The following PTP4A3 variants were observed in gnomAD, a reference collection of about 807,000 sequenced individuals.
PTP4A3 encodes the protein protein tyrosine phosphatase 4A3, also known as protein tyrosine phosphatase type IVA 3.
A neutral mutation model predicts 15.2 loss-of-function variants in PTP4A3; 9 were observed. The observed-to-expected ratio is 0.59, with a 90% confidence interval of 0.36 to 1.03. The LOEUF (loss-of-function observed/expected upper bound fraction) is 1.03. Among genes scored for constraint, PTP4A3 ranks in the 50% least tolerant of loss-of-function variants. The pLI, the probability that PTP4A3 is intolerant of heterozygous loss-of-function variation, is 0.02. For missense variants in PTP4A3, 234 were observed against 252.1 expected (o/e 0.93, Z 0.49); for synonymous variants, 95 against 102.0 (o/e 0.93, Z 0.41).
chr8:141,424,091 A>G (rs1833454257), intron 2 of PTP4A3, among the ~76,000 whole-genome samples: 1 of 151,798 alleles, frequency 6.6e-6, no homozygotes, highest in Admixed American at 6.6e-5. Context: ...GAGGGTGCAG[A>G]GGGCCTCTGA....
At chr8:141,398,903 C>T (rs558700443) in intron 1 of PTP4A3, among the ~76,000 whole-genome samples, 4 of 152,210 alleles carry the variant, frequency 2.6e-5, no homozygotes, top group South Asian at 2.1e-4. Context: ...TCACCCGCCA[C>T]GGAGACCTCG....
At chr8:141,410,343 C>T (rs561995183) in intron 1 of PTP4A3, among the ~76,000 whole-genome samples, 1 of 152,378 alleles carries the variant, frequency 6.6e-6, no homozygotes, top group East Asian at 1.9e-4. Flanking sequence ...AAAAACATTC[C>T]AGAAATGCCC....
In PTP4A3 at chr8:141,432,140, G is replaced by A. The variant is rs951748818; in HGVS notation, c.*1096G>A. 6.6e-6 allele frequency: 1 copy of A among 152,358 alleles called. No individual in the cohort carries two copies. Among genetic ancestry groups the A allele is most frequent in the African/African-American group, 2.4e-5 (1 of 41,420 alleles). 9.4% of individuals were successfully genotyped at this position (152,358 alleles called of 1,614,324 possible). A position where few individuals can be genotyped will look rare whatever the true frequency, so the allele number is the denominator to read the frequency against. ...AGGGCATGGCCCCAGCGGGGAGGAA[G>A]GTGGGCCTAGGGCTGGCTCCAGGGT... On this transcript the variant is annotated 3_prime_UTR_variant, in exon 6 of 6. Coordinates refer to ENST00000521578, the MANE Select transcript of PTP4A3 (RefSeq NM_032611.3).
At chr8:141,422,444 C>T (rs1833379580) in intron 2 of PTP4A3, 99 bp downstream of exon 2, 2 of 1,328,832 alleles carry the variant, frequency 1.5e-6, no homozygotes, top group African/African-American at 2.9e-5. Flanking sequence ...CCAGCCCCGG[C>T]TGGCCAGACA....
chr8:141,411,756 C>T (rs983395277), intron 1 of PTP4A3, among the ~76,000 whole-genome samples: 1 of 152,192 alleles, frequency 6.6e-6, no homozygotes, highest in African/African-American at 2.4e-5. Context: ...TGTCCCCGAC[C>T]CCACGGGCCC....
intron 3 of PTP4A3, 62 bp from the exon 4 acceptor site, chr8:141,426,877 C>G (rs1045565508): frequency 7.0e-6 from 11 of 1,568,880 alleles, no homozygotes; most frequent in Non-Finnish European, 9.5e-6. Context: ...CTCGCCTGAG[C>G]CCCAGAGCCG....
intron 1 of PTP4A3, among the ~76,000 whole-genome samples, chr8:141,419,176 A>C (rs1259892458): frequency 6.6e-6 from 1 of 152,148 alleles, no homozygotes; most frequent in Non-Finnish European, 1.5e-5. Context: ...CCTCCCTCCC[A>C]GTAGCCTGCA....
rs1833883490 is a variant in PTP4A3 at position 141,431,669 on chromosome 8, TGCACCCCGACCCAGGG to T, written c.*628_*643del. 1 of 152,520 alleles carries T rather than the reference TGCACCCCGACCCAGGG, an allele frequency of 6.6e-6. No homozygotes were observed. The highest frequency in any genetic ancestry group is 6.5e-5 in the Admixed American group (1 of 15,300). 9.4% of individuals were successfully genotyped at this position (152,520 alleles called of 1,614,324 possible). Reference sequence around the variant, plus strand: ...CCCTCTGGTGGCCGCTCTGGGTCCTTGCACCCCGACCCAGGGGCCAGCCTGCCCTGTCCTGTCCTGA... The same window carrying T: ...CCCTCTGGTGGCCGCTCTGGGTCCTTGCCAGCCTGCCCTGTCCTGTCCTGA... On this transcript the variant is annotated 3_prime_UTR_variant, in exon 6 of 6. Coordinates refer to ENST00000521578, the MANE Select transcript of PTP4A3 (RefSeq NM_032611.3).
chr8:141,414,918 A>C (rs965346384), intron 1 of PTP4A3, among the ~76,000 whole-genome samples: 33 of 150,684 alleles, frequency 2.2e-4, no homozygotes, highest in Admixed American at 2.2e-3. Flanking sequence ...CGGGCCCTGG[A>C]CTGCAGGAAC....
rs569669352 is a variant in PTP4A3, at chr8:141,392,097, C to A, written c.-854+13C>A. The stretch of plus-strand genomic sequence containing the variant: ...CCCGGACCGCCAGGTCAGTCTCCTC[C>A]GCGCCCGCTCGGGGCGGGGGCGCGC... On this transcript the variant is annotated intron_variant, in intron 1 of 5. Transcript: ENST00000521578. 6.8e-6 allele frequency: 1 copy of A among 146,760 alleles called. No homozygotes were observed. The highest frequency in any genetic ancestry group is 6.8e-5 in the Admixed American group (1 of 14,800). The allele number at this position is 146,760 out of a possible 1,614,324, so 9.1% of individuals were successfully genotyped here.
At chr8:141,407,485 A>G (rs1437854277) in intron 1 of PTP4A3, among the ~76,000 whole-genome samples, 2 of 152,178 alleles carry the variant, frequency 1.3e-5, no homozygotes, top group African/African-American at 4.8e-5. Flanking sequence ...TGGCAGGCCC[A>G]CAGAGTAGAA....
rs1381549623 is a variant in PTP4A3 at position 141,425,281 on chromosome 8, T to C, written c.198+141T>C. On this transcript the variant is annotated intron_variant, in intron 3 of 5. Coordinates refer to ENST00000521578, the MANE Select transcript of PTP4A3 (RefSeq NM_032611.3). The surrounding 1 kb of genome is among the most constrained non-coding windows in gnomAD (Gnocchi z 4.2). ...TCTGTGCCTGGGCCACGTGTGTGTC[T>C]GGGTACATCAAGGGAAGGCCAGGGT... 2.4e-6 allele frequency: 2 copies of C among 839,676 alleles called. No homozygotes were observed. Among genetic ancestry groups the C allele is most frequent in the South Asian group, 1.6e-5 (1 of 61,262 alleles). 52.0% of individuals were successfully genotyped at this position (839,676 alleles called of 1,614,324 possible).
chr8:141,425,195 G>GC lies in PTP4A3; in HGVS notation c.198+56dup. 1 of 1,353,052 alleles carries GC rather than the reference G, an allele frequency of 7.4e-7. No individual in the cohort carries two copies. Among genetic ancestry groups the GC allele is most frequent in the Non-Finnish European group, 1.0e-6 (1 of 955,594 alleles). The allele number at this position is 1,353,052 out of a possible 1,614,324, so 83.8% of individuals were successfully genotyped here. A position where few individuals can be genotyped will look rare whatever the true frequency, so the allele number is the denominator to read the frequency against. ...ACTGCTGCCACCGGGGGAGGGTGGGGCGGGGGGCTCCGGGCCTGCGCAGAG... is the reference window on the plus strand; with the variant it reads ...ACTGCTGCCACCGGGGGAGGGTGGGGCCGGGGGGCTCCGGGCCTGCGCAGAG... On this transcript the variant is annotated intron_variant, in intron 3 of 5. Coordinates refer to ENST00000521578, the MANE Select transcript of PTP4A3 (RefSeq NM_032611.3). The surrounding 1 kb of genome is among the most constrained non-coding windows in gnomAD (Gnocchi z 4.2).
At chr8:141,424,548 G>T (rs1833479125) in intron 2 of PTP4A3, among the ~76,000 whole-genome samples, 1 of 152,178 alleles carries the variant, frequency 6.6e-6, no homozygotes, top group Non-Finnish European at 1.5e-5. Flanking sequence ...GTGGGCTGGG[G>T]AGTCCAGTTC....
intron 4 of PTP4A3, 21 bp from the exon 5 acceptor site, chr8:141,427,729 C>A (rs747278227): frequency 1.3e-6 from 2 of 1,546,660 alleles, no homozygotes; most frequent in South Asian, 1.2e-5. Flanking sequence ...CGATGACCCC[C>A]GCCCTGCTGT....
At chr8:141,424,207 G>A (rs1283831009) in intron 2 of PTP4A3, among the ~76,000 whole-genome samples, 1 of 152,184 alleles carries the variant, frequency 6.6e-6, no homozygotes, top group Non-Finnish European at 1.5e-5. Flanking sequence ...TGACCAGCAA[G>A]ACCCATCAGC....
chr8:141,415,391 G>T (rs1389892381), intron 1 of PTP4A3, among the ~76,000 whole-genome samples: 1 of 151,646 alleles, frequency 6.6e-6, no homozygotes, highest in Non-Finnish European at 1.5e-5. Flanking sequence ...CTGTTACAGG[G>T]CCCTAGGGAC....
intron 1 of PTP4A3, among the ~76,000 whole-genome samples, chr8:141,417,998 G>T (rs1444984388): frequency 6.6e-6 from 1 of 151,994 alleles, no homozygotes; most frequent in Non-Finnish European, 1.5e-5. Context: ...GTATGGAGGC[G>T]GTGGGACGCC....
Position 141,406,413 on chromosome 8 carries a change from C to T in PTP4A3, c.-854+14329C>T, listed in dbSNP as rs527252715. Among the ~76,000 whole-genome samples, 24 of 152,150 alleles carry T rather than the reference C, an allele frequency of 1.6e-4. No homozygotes were observed. Among genetic ancestry groups the T allele is most frequent in the African/African-American group, 3.9e-4 (16 of 41,506 alleles). On this transcript the variant is annotated intron_variant, in intron 1 of 5. Coordinates refer to ENST00000521578, the MANE Select transcript of PTP4A3 (RefSeq NM_032611.3). The surrounding 1 kb of genome is among the most constrained non-coding windows in gnomAD (Gnocchi z 4.5). ...TGGGGTTTCCCCTGGGAAGTCCTGC[C>T]GTCCTCTTTCTGCTGCCACCCAGAG...
Sources: gnomAD v4.1 joint callset for allele counts (sites outside exome capture counted in the v4.1 genomes callset) on GRCh38, gnomAD v4.1.1 for gene constraint, Gnocchi (gnomAD v3.1) non-coding constraint, MANE v1.5 for transcripts, NCBI Gene and HGNC (gene_info 2026-07-23, HGNC 2026-07-21) for gene names.